COBLL1: variants seen among roughly 807,000 people sequenced by gnomAD.
The protein encoded by COBLL1 is cordon-bleu WH2 repeat protein like 1.
A neutral mutation model predicts 94.8 loss-of-function variants in COBLL1; 50 were observed. That is an observed-to-expected ratio of 0.53 (90% CI 0.42 to 0.67). The LOEUF is 0.67. COBLL1 is among the 30% of genes least tolerant of loss of function. The probability of loss-of-function intolerance (pLI) is 0.00; values close to 1 mark genes in which losing one functional copy is unlikely to be tolerated. For missense variants in COBLL1, 1,362 were observed against 1,348.7 expected (o/e 1.01, Z -0.15); for synonymous variants, 448 against 473.8 (o/e 0.95, Z 0.71).
intron 2 of COBLL1, among the ~76,000 whole-genome samples, chr2:164,833,003 A>G (rs1683146562): frequency 6.6e-6 from 1 of 152,030 alleles, no homozygotes; most frequent in South Asian, 2.1e-4. Context: ...AGATAGCGCC[A>G]TTGCACTCCA....
intron 2 of COBLL1, among the ~76,000 whole-genome samples, chr2:164,837,668 T>C (rs532934064): frequency 2.0e-5 from 3 of 149,838 alleles, no homozygotes; most frequent in South Asian, 2.1e-4. Context: ...TGTATGTATA[T>C]GTATAGTATA....
intron 2 of COBLL1, among the ~76,000 whole-genome samples, chr2:164,756,668 G>A (rs375572510): frequency 1.3e-4 from 20 of 152,082 alleles, no homozygotes; most frequent in African/African-American, 3.9e-4. Flanking sequence ...ATACGGCAGG[G>A]AGAAAACAAA....
chr2:164,818,617 A>G (rs1037886272), intron 2 of COBLL1, among the ~76,000 whole-genome samples: 1 of 144,856 alleles, frequency 6.9e-6, no homozygotes. Context: ...GTACATATGT[A>G]CACATATATG....
chr2:164,789,878 T>G (rs1683095845), intron 2 of COBLL1, among the ~76,000 whole-genome samples: 1 of 152,208 alleles, frequency 6.6e-6, no homozygotes, highest in African/African-American at 2.4e-5. Context: ...TTGATAGATA[T>G]TTTACACACA....
At chr2:164,786,236 T>C (rs1559014791) in intron 2 of COBLL1, among the ~76,000 whole-genome samples, 1 of 152,180 alleles carries the variant, frequency 6.6e-6, no homozygotes, top group Non-Finnish European at 1.5e-5. Context: ...AGTACTTTGA[T>C]ACATGTAAAG....
intron 1 of COBLL1, among the ~76,000 whole-genome samples, chr2:164,672,728 A>AAAAAAAAAAT (rs67260713): frequency 3.0e-5 from 4 of 132,496 alleles, no homozygotes; most frequent in African/African-American, 6.4e-5. Flanking sequence ...AAAAAAAAAA[A>AAAAAAAAAAT]ATGACTTTGT....
intron 2 of COBLL1, among the ~76,000 whole-genome samples, chr2:164,820,982 G>C (rs1685142526): frequency 6.6e-6 from 1 of 152,124 alleles, no homozygotes; most frequent in Admixed American, 6.5e-5. Context: ...CCGCCTCCCA[G>C]GTTCAAGTGA....
At chr2:164,785,242 A>G (rs1021884763) in intron 2 of COBLL1, among the ~76,000 whole-genome samples, 2 of 152,194 alleles carry the variant, frequency 1.3e-5, no homozygotes, top group Admixed American at 6.5e-5. Context: ...TACAAAAATT[A>G]GCTGGGTGTA....
chr2:164,831,809 TA>T (rs1020898786), intron 2 of COBLL1, among the ~76,000 whole-genome samples: 1 of 151,978 alleles, frequency 6.6e-6, no homozygotes, highest in Non-Finnish European at 1.5e-5. Context: ...CTATCAGGCA[TA>T]AAAAAAAGAG....
chr2:164,818,616 T>TAA (rs1684986445), intron 2 of COBLL1, among the ~76,000 whole-genome samples: 1 of 144,862 alleles, frequency 6.9e-6, no homozygotes, highest in Non-Finnish European at 1.5e-5. Context: ...TGTACATATG[T>TAA]ACACATATAT....
chr2:164,676,688 T>TC (rs199604109), downstream of COBLL1, among the ~76,000 whole-genome samples: 5,615 of 149,466 alleles, frequency 0.038, 127 homozygotes, highest in Non-Finnish European at 0.05. Context: ...TTTTTTTTTT[T>TC]CCCCCCCTTT....
chr2:164,767,055 A>C (rs1687965921), intron 2 of COBLL1, among the ~76,000 whole-genome samples: 1 of 152,216 alleles, frequency 6.6e-6, no homozygotes, highest in Admixed American at 6.5e-5. Flanking sequence ...CTAATAAAGA[A>C]AGATGTAGTG....
chr2:164,837,651 G>A (rs1683379355), intron 2 of COBLL1, among the ~76,000 whole-genome samples: 1 of 151,752 alleles, frequency 6.6e-6, no homozygotes, highest in Non-Finnish European at 1.5e-5. Context: ...TTAGATAGGA[G>A]TATATATGTA....
chr2:164,677,363 G>GA (rs1691356784), downstream of COBLL1, among the ~76,000 whole-genome samples: 1 of 152,130 alleles, frequency 6.6e-6, no homozygotes, highest in Non-Finnish European at 1.5e-5. Flanking sequence ...GCCTAAGAGT[G>GA]AAACTGTTGA....
In COBLL1 at chr2:164,694,771, C is replaced by G. The variant is rs199845314; in HGVS notation, c.2621G>C (p.Arg874Thr). 1.7e-5 allele frequency: 27 copies of G among 1,613,746 alleles called. No individual in the cohort carries two copies. In the East Asian group the frequency reaches 5.1e-4, roughly 31 times the overall value. ...AGATGTCACATAGTGACCCGATACT[C>G]TCTTCTGCATCTGCAAAAAAAAAGA... The part of the protein sequence containing the change: ...PSSFFLQMQK[R>T]VSGHYVTSAA... Residue 874 changes from arginine (R) to threonine (T), a missense_variant, in exon 12 of 14, where the codon AGA becomes ACA. Transcript: ENST00000652658.
At chr2:164,736,511 A>G (rs1329846873) in intron 3 of COBLL1, among the ~76,000 whole-genome samples, 3 of 152,220 alleles carry the variant, frequency 2.0e-5, no homozygotes, top group Non-Finnish European at 4.4e-5. Flanking sequence ...ACTAAATGTA[A>G]AAAGCCCCAC....
chr2:164,676,394 C>T (rs1030873545), downstream of COBLL1, among the ~76,000 whole-genome samples: 3 of 152,118 alleles, frequency 2.0e-5, no homozygotes, highest in African/African-American at 7.2e-5. Context: ...AGAGTCTCAG[C>T]TTTGATCTTG....
intron 1 of COBLL1, among the ~76,000 whole-genome samples, chr2:164,674,799 T>C (rs1345395822): frequency 6.6e-6 from 1 of 152,220 alleles, no homozygotes; most frequent in African/African-American, 2.4e-5. Flanking sequence ...CTTTAAACAT[T>C]CATGCGTAAT....
Position 164,695,524 on chromosome 2 carries a change from G to C in COBLL1, c.1868C>G (p.Ser623Cys). Residue 623 changes from serine to cysteine, a missense_variant, in exon 12 of 14, where the codon TCT (serine) becomes TGT (cysteine). Coordinates refer to ENST00000652658, the MANE Select transcript of COBLL1 (RefSeq NM_001365672.2). The stretch of plus-strand genomic sequence containing the variant: ...CACACATTCTTCAACTTTGGAGTCA[G>C]ATAAATTATGATCTTGGTGTTTCCC... ...FDGKHQDHNL[S>C]DSKVEECVQT... 3 of 1,613,968 alleles carry C rather than the reference G, an allele frequency of 1.9e-6. No homozygotes were observed. Among genetic ancestry groups the C allele is most frequent in the Non-Finnish European group, 2.5e-6 (3 of 1,179,924 alleles).
Sources: allele counts gnomAD v4.1 joint callset (sites outside exome capture counted in the v4.1 genomes callset), GRCh38; gene constraint gnomAD v4.1.1; transcripts MANE v1.5; gene names NCBI Gene and HGNC (gene_info 2026-07-23, HGNC 2026-07-21).